DERA: variants seen among roughly 807,000 people sequenced by gnomAD.
DERA encodes the protein deoxyribose-phosphate aldolase, also known as 2-deoxy-D-ribose 5-phosphate aldolase.
Under a neutral mutation model 41.1 loss-of-function variants are expected in DERA, and 15 were observed. The observed-to-expected ratio is 0.37, with a 90% CI of 0.24 to 0.56. The LOEUF is 0.56. Ranked by LOEUF, DERA falls within the 20% of genes least tolerant of loss-of-function variation. The pLI, the probability that DERA is intolerant of heterozygous loss-of-function variation, is 0.81. For synonymous variants in DERA, 139 were observed against 137.4 expected, an observed-to-expected ratio of 1.01 and a Z score of -0.08; for missense variants, 396 against 403.4, an observed-to-expected ratio of 0.98 and a Z score of 0.16.
At chr12:15,978,747 T>G (rs1219706790) in intron 5 of DERA, among the ~76,000 whole-genome samples, 1 of 152,164 alleles carries the variant, frequency 6.6e-6, no homozygotes, top group Non-Finnish European at 1.5e-5. Context: ...GATCATGGTG[T>G]CCTCTGCTTT....
chr12:15,968,827 T>C (rs1239902198), intron 5 of DERA, among the ~76,000 whole-genome samples: 1 of 152,192 alleles, frequency 6.6e-6, no homozygotes, highest in Non-Finnish European at 1.5e-5. Flanking sequence ...GCCCCGATGA[T>C]GGTCTGTTGT....
rs1191292191 is a variant in DERA at position 15,999,163 on chromosome 12, A to C, written c.637+16727A>C. ...AGCGAGGAGGAGGCCAATCAAGAAC[A>C]GAAGGGCCAGGGTTCTCTGCCATCA... On this transcript the variant is annotated intron_variant, in intron 6 of 8. Coordinates refer to ENST00000428559, the MANE Select transcript of DERA (RefSeq NM_015954.4). This position sits in a 1 kb window ranked among gnomAD's most constrained non-coding sequence, Gnocchi z 5.3. 6.6e-6 allele frequency among the ~76,000 whole-genome samples: 1 copy of C among 152,184 alleles called. No individual in the cohort carries two copies. The highest frequency in any genetic ancestry group is 6.5e-5 in the Admixed American group (1 of 15,280).
chr12:15,960,636 C>CAAAAAAAAAAAA (rs1163104277), intron 4 of DERA, among the ~76,000 whole-genome samples: 5 of 28,718 alleles, frequency 1.7e-4, no homozygotes, highest in African/African-American at 6.4e-4. Flanking sequence ...GACTCCGTCT[C>CAAAAAAAAAAAA]AAAAAAAAAA....
In DERA at chr12:15,996,046, C is replaced by A. The variant is rs1948834882; in HGVS notation, c.637+13610C>A. Among the ~76,000 whole-genome samples the A allele has an allele frequency of 3.3e-5, 5 of 152,112 alleles. No homozygotes were observed. In the South Asian group the frequency reaches 8.3e-4, roughly 25 times the overall value. The stretch of plus-strand genomic sequence containing the variant: ...AGGCTGAGTGAGCCTGATGGAGCTA[C>A]ACTAAGACAGACTCAGCAAACATTA... On this transcript the variant is annotated intron_variant, in intron 6 of 8. Coordinates refer to ENST00000428559, the MANE Select transcript of DERA (RefSeq NM_015954.4). The surrounding 1 kb of genome is among the most constrained non-coding windows in gnomAD (Gnocchi z 4.7).
chr12:15,937,763 T>A (rs1175428276), intron 1 of DERA, among the ~76,000 whole-genome samples: 1 of 152,206 alleles, frequency 6.6e-6, no homozygotes, highest in East Asian at 1.9e-4. Flanking sequence ...AGTTTGTTTA[T>A]CAAGTAGTAG....
Position 15,999,273 on chromosome 12 carries a change from A to C in DERA, c.637+16837A>C, listed in dbSNP as rs1389617772. On this transcript the variant is annotated intron_variant, in intron 6 of 8. Transcript: ENST00000428559. The surrounding 1 kb of genome is among the most constrained non-coding windows in gnomAD (Gnocchi z 5.3). ...ATGTTTATCAGACACTATTCTAGGC[A>C]TTGGAGGAGGATTAGAAGAGAGAAT... is the stretch of plus-strand genomic sequence containing the variant. 3.3e-5 allele frequency among the ~76,000 whole-genome samples: 5 copies of C among 152,244 alleles called. No homozygotes were observed. The highest frequency in any genetic ancestry group is 3.3e-4 in the Admixed American group (5 of 15,286).
At chr12:15,980,188 G>T (rs934661335) in intron 5 of DERA, among the ~76,000 whole-genome samples, 2 of 152,322 alleles carry the variant, frequency 1.3e-5, no homozygotes, top group Non-Finnish European at 2.9e-5. Context: ...AAAGTACTTT[G>T]TATATCTCTC....
chr12:15,947,127 C>G (rs1162374719), intron 1 of DERA, among the ~76,000 whole-genome samples: 1 of 151,934 alleles, frequency 6.6e-6, no homozygotes, highest in African/African-American at 2.4e-5. Context: ...TTACTTCCAA[C>G]TATGTGGTCA....
chr12:16,030,847 G>A (rs923291235), intron 6 of DERA, among the ~76,000 whole-genome samples: 9 of 152,176 alleles, frequency 5.9e-5, no homozygotes, highest in African/African-American at 1.9e-4. Flanking sequence ...GTAGTACTCA[G>A]TAAATATTTG....
chr12:15,991,889 G>A (rs1434562083), intron 6 of DERA, among the ~76,000 whole-genome samples: 2 of 152,024 alleles, frequency 1.3e-5, no homozygotes, highest in African/African-American at 4.8e-5. Flanking sequence ...CTCTGTTATA[G>A]CTTTGTCCCC....
intron 6 of DERA, among the ~76,000 whole-genome samples, chr12:15,991,306 T>G (rs1423276587): frequency 6.6e-6 from 1 of 152,172 alleles, no homozygotes; most frequent in Non-Finnish European, 1.5e-5. Flanking sequence ...TGGGGTTGTT[T>G]GCTTTTTCTT....
rs547350939 is a variant in DERA, at chr12:16,017,292, G to T, written c.638-15250G>T. Among the ~76,000 whole-genome samples the T allele has an allele frequency of 6.6e-6, 1 of 152,142 alleles. No homozygotes were observed. Among genetic ancestry groups the T allele is most frequent in the African/African-American group, 2.4e-5 (1 of 41,438 alleles). ...AAACAAGCATCATTGCTTAGTTATC[G>T]TGTTCTATTGCATTGCTAACGTGAT... is the stretch of plus-strand genomic sequence containing the variant. On this transcript the variant is annotated intron_variant, in intron 6 of 8. Transcript: ENST00000428559. This position sits in a 1 kb window ranked among gnomAD's most constrained non-coding sequence, Gnocchi z 5.5.
chr12:15,976,828 G>A lies in DERA; in HGVS notation c.509-5480G>A, dbSNP rs1297527964. ...GAGGAGAAAAATGAAGCTTGGAGAG[G>A]TTCAGTAACTTTCCCAAGTAACACC... On this transcript the variant is annotated intron_variant, in intron 5 of 8. Coordinates refer to ENST00000428559, the MANE Select transcript of DERA (RefSeq NM_015954.4). This position sits in a 1 kb window ranked among gnomAD's most constrained non-coding sequence, Gnocchi z 4.1. 6.6e-6 allele frequency among the ~76,000 whole-genome samples: 1 copy of A among 152,128 alleles called. No individual in the cohort carries two copies. Among genetic ancestry groups the A allele is most frequent in the African/African-American group, 2.4e-5 (1 of 41,434 alleles).
intron 6 of DERA, among the ~76,000 whole-genome samples, chr12:15,991,104 A>G (rs1390506395): frequency 4.0e-5 from 6 of 151,876 alleles, no homozygotes; most frequent in Non-Finnish European, 7.4e-5. Context: ...TTTCTCCACA[A>G]CCTCGCCAGC....
rs940793820 is a variant in DERA, at chr12:15,936,006, T to C, written c.32-20930T>C. ...GGTGAGAAGCCTCAGCCCTTTACCATGTGAACACCCTCTTAGGGTTGCTTG... is the reference window on the plus strand; with the variant it reads ...GGTGAGAAGCCTCAGCCCTTTACCACGTGAACACCCTCTTAGGGTTGCTTG... On this transcript the variant is annotated intron_variant, in intron 1 of 8. Coordinates refer to ENST00000428559, the MANE Select transcript of DERA (RefSeq NM_015954.4). The surrounding 1 kb of genome is among the most constrained non-coding windows in gnomAD (Gnocchi z 4.6). 6.6e-6 allele frequency among the ~76,000 whole-genome samples: 1 copy of C among 152,198 alleles called. No individual in the cohort carries two copies. The highest frequency in any genetic ancestry group is 6.5e-5 in the Admixed American group (1 of 15,276).
chr12:15,962,992 G>C lies in DERA; in HGVS notation c.508+45G>C, dbSNP rs774076740. On this transcript the variant is annotated intron_variant, in intron 5 of 8. Coordinates refer to ENST00000428559, the MANE Select transcript of DERA (RefSeq NM_015954.4). ...TAAGAGAGTTTCACCATTCTTCCCT[G>C]GTGAATCAGATGATGAGGTAAGATG... 3.8e-6 allele frequency: 6 copies of C among 1,578,906 alleles called. No individual in the cohort carries two copies. The South Asian group carries it at 7.0e-5, about 19-fold the overall frequency.
chr12:15,956,781 G>A, intron 1 of DERA, 155 bp from the exon 2 acceptor site: 1 of 727,376 alleles, frequency 1.4e-6, no homozygotes, highest in Non-Finnish European at 2.5e-6. Flanking sequence ...CCATCAATAA[G>A]GTTGTTTATT....
rs543785491 is a variant in DERA at position 16,004,092 on chromosome 12, C to G, written c.637+21656C>G. 6.6e-6 allele frequency among the ~76,000 whole-genome samples: 1 copy of G among 152,070 alleles called. No homozygotes were observed. Among genetic ancestry groups the G allele is most frequent in the Non-Finnish European group, 1.5e-5 (1 of 68,008 alleles). ...GGAAAAGTACATTCTGATTTCCAGC[C>G]GGCTGTGAATTTACAAACTTTTGGA... On this transcript the variant is annotated intron_variant, in intron 6 of 8. Transcript: ENST00000428559. The surrounding 1 kb of genome is among the most constrained non-coding windows in gnomAD (Gnocchi z 4.2).
At chr12:15,944,141 G>A (rs11056733) in intron 1 of DERA, among the ~76,000 whole-genome samples, 31,396 of 151,858 alleles carry the variant, frequency 0.21, 3,653 homozygotes, top group Admixed American at 0.33. Flanking sequence ...ATGGACATTT[G>A]GGTTGGTTCC....
Sources: gnomAD v4.1 joint callset for allele counts (sites outside exome capture counted in the v4.1 genomes callset) on GRCh38, gnomAD v4.1.1 for gene constraint, Gnocchi (gnomAD v3.1) non-coding constraint, MANE v1.5 for transcripts, NCBI Gene and HGNC (gene_info 2026-07-23, HGNC 2026-07-21) for gene names.